The following BICD1 variants were observed in gnomAD, a reference collection of about 807,000 sequenced individuals.
The protein encoded by BICD1 is protein bicaudal D homolog 1.
Under a neutral mutation model 92.5 loss-of-function variants are expected in BICD1, and 35 were observed. That is an observed-to-expected ratio of 0.38 (90% CI 0.29 to 0.50). The LOEUF (loss-of-function observed/expected upper bound fraction) is 0.50. BICD1 is among the 20% of genes least tolerant of loss of function. BICD1 has a pLI of 0.93. For synonymous variants in BICD1, 429 were observed against 465.1 expected (o/e 0.92, Z 1.00); for missense variants, 950 against 1,189.8 (o/e 0.80, Z 2.97).
chr12:32,250,472 T>A (rs1477989921), intron 2 of BICD1, among the ~76,000 whole-genome samples: 1 of 152,224 alleles, frequency 6.6e-6, no homozygotes, highest in African/African-American at 2.4e-5. Flanking sequence ...ATGCAATTTG[T>A]AATGCACATT....
At position 32,378,578 on chromosome 12, in the gene BICD1, A is replaced by C. The variant is rs141142286; in HGVS notation, c.*951A>C. On this transcript the variant is annotated 3_prime_UTR_variant, in exon 10 of 10. Transcript: ENST00000652176. ...GACCAGAATTTTTTTTACTTCTCCC[A>C]AAATCAGGGTCCTACTGAGTCTTTC... 1 of 152,306 alleles carries C rather than the reference A, an allele frequency of 6.6e-6. No individual in the cohort carries two copies. Among genetic ancestry groups the C allele is most frequent in the East Asian group, 1.9e-4 (1 of 5,194 alleles). 9.4% of individuals were successfully genotyped at this position (152,306 alleles called of 1,614,324 possible).
chr12:32,299,256 T>A (rs1287466859), intron 3 of BICD1, among the ~76,000 whole-genome samples: 2 of 152,234 alleles, frequency 1.3e-5, no homozygotes, highest in East Asian at 3.9e-4. Context: ...GTGACTGCTT[T>A]GATGTTGTCT....
At chr12:32,377,375 G>C in intron 9 of BICD1, among the ~76,000 whole-genome samples, 165 bp from the exon 10 acceptor site, 1 of 152,096 alleles carries the variant, frequency 6.6e-6, no homozygotes. Flanking sequence ...GCCTTGTTTT[G>C]AAAAGCTACC....
At chr12:32,358,052 G>A (rs1247784567) in intron 8 of BICD1, among the ~76,000 whole-genome samples, 1 of 152,092 alleles carries the variant, frequency 6.6e-6, no homozygotes, top group Non-Finnish European at 1.5e-5. Context: ...GATCCTCAGT[G>A]TTCTAATCTG....
rs778850950 is a variant in BICD1 at position 32,166,105 on chromosome 12, C to CATTTATTTATTT, written c.214-50109_214-50098dup. Among the ~76,000 whole-genome samples the CATTTATTTATTT allele has an allele frequency of 2.5e-4, 30 of 121,948 alleles. 1 individual carries two copies. The highest frequency in any genetic ancestry group is 2.8e-4 in the South Asian group (1 of 3,582). The allele number at this position is 121,948 out of a possible 152,430, so 80.0% of individuals were successfully genotyped here. A position where few individuals can be genotyped will look rare whatever the true frequency, so the allele number is the denominator to read the frequency against. ...TGGGACATTTGGCAATGTCTGGAGA[C>CATTTATTTATTT]ATTTATTTATTTATTTATTTATTTA... On this transcript the variant is annotated intron_variant, in intron 1 of 9. Coordinates refer to ENST00000652176, the MANE Select transcript of BICD1 (RefSeq NM_001714.4).
chr12:32,192,389 G>A (rs530486885), intron 1 of BICD1, among the ~76,000 whole-genome samples: 5 of 148,226 alleles, frequency 3.4e-5, no homozygotes, highest in East Asian at 1.9e-4. Flanking sequence ...AGCTAAGATC[G>A]TGCCATTGCA....
intron 1 of BICD1, among the ~76,000 whole-genome samples, chr12:32,134,863 G>C (rs1480052524): frequency 1.3e-5 from 2 of 152,168 alleles, no homozygotes; most frequent in African/African-American, 4.8e-5. Context: ...CCACAGTCAG[G>C]CTTGGTGATT....
chr12:32,139,200 T>G lies in BICD1; in HGVS notation c.213+31656T>G, dbSNP rs989953172. On this transcript the variant is annotated intron_variant, in intron 1 of 9. Transcript: ENST00000652176. ...TAAGCCACGTGGCTGCTGTGGTGAC[T>G]GCTTTAGAAACTTTCAGTTCCCTTT... Among the ~76,000 whole-genome samples, 4 of 152,356 alleles carry G rather than the reference T, an allele frequency of 2.6e-5. No individual in the cohort carries two copies. In the East Asian group the frequency reaches 7.7e-4, roughly 29 times the overall value.
intron 2 of BICD1, among the ~76,000 whole-genome samples, chr12:32,221,821 A>C (rs1222724346): frequency 6.6e-6 from 1 of 152,204 alleles, no homozygotes; most frequent in Non-Finnish European, 1.5e-5. Flanking sequence ...TAATAGGCAG[A>C]GTGAAGAAAT....
intron 2 of BICD1, among the ~76,000 whole-genome samples, chr12:32,239,161 G>A (rs1158748032): frequency 6.8e-6 from 1 of 148,084 alleles, no homozygotes; most frequent in Non-Finnish European, 1.5e-5. Context: ...GCAGGAGAAT[G>A]GCGTGAACCT....
Position 32,201,792 on chromosome 12 carries a change from A to G in BICD1, c.214-14455A>G, listed in dbSNP as rs116562407. On this transcript the variant is annotated intron_variant, in intron 1 of 9. Coordinates refer to ENST00000652176, the MANE Select transcript of BICD1 (RefSeq NM_001714.4). ...TTTATACGTGTTTGTTTAAAAAAAA[A>G]AAACACAATCTTTGAAAAATCTGGA... 4.3e-3 allele frequency among the ~76,000 whole-genome samples: 655 copies of G among 152,300 alleles called. 3 individuals are homozygous for G. The highest frequency in any genetic ancestry group is 0.015 in the African/African-American group (624 of 41,576).
chr12:32,126,570 A>G (rs1398951573), intron 1 of BICD1, among the ~76,000 whole-genome samples: 1 of 152,126 alleles, frequency 6.6e-6, no homozygotes, highest in Non-Finnish European at 1.5e-5. Flanking sequence ...CAGCCTGGCC[A>G]ACATAGTGAA....
chr12:32,167,582 A>G (rs1170128336), intron 1 of BICD1, among the ~76,000 whole-genome samples: 2 of 152,098 alleles, frequency 1.3e-5, no homozygotes, highest in Admixed American at 6.5e-5. Context: ...CAGCCTCCCA[A>G]GTAGTTAGGA....
intron 1 of BICD1, among the ~76,000 whole-genome samples, chr12:32,116,492 T>TATATATA (rs1565524980): frequency 8.1e-5 from 10 of 123,044 alleles, no homozygotes; most frequent in Non-Finnish European, 1.7e-4. Context: ...CTCTCTCTCT[T>TATATATA]TCTCTCTCTC....
chr12:32,250,782 A>T (rs1044912113), intron 2 of BICD1, among the ~76,000 whole-genome samples: 1 of 152,104 alleles, frequency 6.6e-6, no homozygotes. Context: ...CGAGTTCAAG[A>T]CCAGCCTAGA....
Position 32,107,056 on chromosome 12 carries a change from A to T in BICD1, c.-276A>T. The T allele has an allele frequency of 2.4e-6, 1 of 412,610 alleles. No individual in the cohort carries two copies. The highest frequency in any genetic ancestry group is 4.4e-6 in the Non-Finnish European group (1 of 226,908). 25.6% of individuals were successfully genotyped at this position (412,610 alleles called of 1,614,324 possible). On this transcript the variant is annotated 5_prime_UTR_variant, in exon 1 of 10. Transcript: ENST00000652176. Reference sequence around the variant, plus strand: ...GCCATGCCGCACGGCTGCTGACCGCACGCAGGGGCCGGCCCCGAGGACACA... The same window carrying T: ...GCCATGCCGCACGGCTGCTGACCGCTCGCAGGGGCCGGCCCCGAGGACACA...
chr12:32,337,842 AC>A lies in BICD1; in HGVS notation c.2570+27del. 1 of 1,606,808 alleles carries A rather than the reference AC, an allele frequency of 6.2e-7. No individual in the cohort carries two copies. Among genetic ancestry groups the A allele is most frequent in the Non-Finnish European group, 8.5e-7 (1 of 1,173,656 alleles). The stretch of plus-strand genomic sequence containing the variant: ...GTATGCATGCAGCGATCTTCATAGT[AC>A]GGTGCAGTGGCCAGATTTTAGTTAA... On this transcript the variant is annotated intron_variant, in intron 7 of 9. Coordinates refer to ENST00000652176, the MANE Select transcript of BICD1 (RefSeq NM_001714.4). The surrounding 1 kb of genome is among the most constrained non-coding windows in gnomAD (Gnocchi z 4.7).
intron 2 of BICD1, among the ~76,000 whole-genome samples, chr12:32,226,682 A>AC (rs1945706388): frequency 6.6e-6 from 1 of 152,064 alleles, no homozygotes; most frequent in Admixed American, 6.5e-5. Context: ...CTCCCAGCCC[A>AC]CCTAGTGGCC....
chr12:32,291,892 A>G (rs1947735605), intron 2 of BICD1, among the ~76,000 whole-genome samples: 1 of 152,118 alleles, frequency 6.6e-6, no homozygotes, highest in Non-Finnish European at 1.5e-5. Flanking sequence ...TTGAAAGCAT[A>G]TGTCGGAAAG....
Sources: gnomAD v4.1 joint callset for allele counts (sites outside exome capture counted in the v4.1 genomes callset) on GRCh38, gnomAD v4.1.1 for gene constraint, Gnocchi (gnomAD v3.1) non-coding constraint, MANE v1.5 for transcripts, NCBI Gene and HGNC (gene_info 2026-07-23, HGNC 2026-07-21) for gene names.